SUPT16H: variants seen among roughly 807,000 people sequenced by gnomAD.
The protein encoded by SUPT16H is FACT complex subunit SPT16.
A neutral mutation model predicts 136.2 loss-of-function variants in SUPT16H; 24 were observed. The observed-to-expected ratio is 0.18, with a 90% CI of 0.13 to 0.25. The LOEUF is 0.25. Among genes scored for constraint, SUPT16H ranks in the 10% least tolerant of loss-of-function variants. The probability of loss-of-function intolerance (pLI) is 1.00; values close to 1 mark genes in which losing one functional copy is unlikely to be tolerated. For missense variants in SUPT16H, 623 were observed against 1,270.2 expected, an observed-to-expected ratio of 0.49 and a Z score of 7.74; for synonymous variants, 415 against 428.2, an observed-to-expected ratio of 0.97 and a Z score of 0.38.
intron 15 of SUPT16H, among the ~76,000 whole-genome samples, chr14:21,361,768 T>C (rs1202970677): frequency 6.6e-6 from 1 of 152,152 alleles, no homozygotes; most frequent in East Asian, 1.9e-4. Flanking sequence ...CTTATTTTCA[T>C]AATTATTTTT....
chr14:21,365,895 G>A (rs1886656254), intron 8 of SUPT16H, among the ~76,000 whole-genome samples: 2 of 152,062 alleles, frequency 1.3e-5, no homozygotes, highest in Non-Finnish European at 2.9e-5. Flanking sequence ...TTGAGCCCAC[G>A]AGGTCAAGAC....
chr14:21,364,872 C>A lies in SUPT16H; in HGVS notation c.1188G>T (p.Glu396Asp), dbSNP rs1329349317. 3 of 1,613,060 alleles carry A rather than the reference C, an allele frequency of 1.9e-6. No homozygotes were observed. The Admixed American group carries it at 5.0e-5, about 27-fold the overall frequency. ...LTNKEGKKPE[E>D]KTYALFIGDT... ...CACCAATGAACAGGGCATAGGTTTT[C>A]TCTTCTGGCTTTTTCCCCTCCTTGT... The change falls in exon 10 of 26, where the codon GAG (glutamate) becomes GAT (aspartate). Residue 396 changes from glutamate (E) to aspartate (D), a missense_variant. Transcript: ENST00000216297.
In SUPT16H at chr14:21,362,233, A is replaced by T. The variant is rs1886572188; in HGVS notation, c.1757T>A (p.Ile586Asn). The T allele has an allele frequency of 6.2e-7, 1 of 1,612,694 alleles. No individual in the cohort carries two copies. The highest frequency in any genetic ancestry group is 8.5e-7 in the Non-Finnish European group (1 of 1,179,976). Residue 586 changes from isoleucine (I) to asparagine (N), a missense_variant, in exon 15 of 26, where the codon ATC (isoleucine) becomes AAC (asparagine). Transcript: ENST00000216297. The part of the protein sequence containing the change: ...GSALGRNEGN[I>N]FPNPEATFVK... Reference sequence around the variant, plus strand: ...AAAAGTCGCTTCAGGGTTAGGAAAGATGTTGCCTTCATTCCTGCCCAGAGC... The same window carrying T: ...AAAAGTCGCTTCAGGGTTAGGAAAGTTGTTGCCTTCATTCCTGCCCAGAGC...
intron 4 of SUPT16H, 103 bp downstream of exon 4, chr14:21,370,233 A>G: frequency 7.9e-6 from 11 of 1,396,974 alleles, no homozygotes; most frequent in Non-Finnish European, 1.1e-5. Context: ...GTAAACAAAC[A>G]TACAGTTTTC....
At chr14:21,381,020 GA>G (rs1887011117) in intron 1 of SUPT16H, among the ~76,000 whole-genome samples, 1 of 151,864 alleles carries the variant, frequency 6.6e-6, no homozygotes, top group Non-Finnish European at 1.5e-5. Flanking sequence ...TAATAATACA[GA>G]GAAGGTGCTG....
chr14:21,381,898 G>C (rs1263056525), intron 1 of SUPT16H, among the ~76,000 whole-genome samples: 11 of 150,636 alleles, frequency 7.3e-5, no homozygotes, highest in Admixed American at 7.3e-4. Flanking sequence ...AGCCAGGTTT[G>C]GAATTTTTAC....
intron 22 of SUPT16H, among the ~76,000 whole-genome samples, chr14:21,355,702 CTCTT>C (rs1886418999): frequency 6.6e-6 from 1 of 151,886 alleles, no homozygotes; most frequent in South Asian, 2.1e-4. Flanking sequence ...AAATGACTTT[CTCTT>C]TCTCACTTCT....
chr14:21,374,011 A>G (rs1365756885), intron 1 of SUPT16H, among the ~76,000 whole-genome samples: 1 of 152,258 alleles, frequency 6.6e-6, no homozygotes, highest in Non-Finnish European at 1.5e-5. Context: ...TACAGGCATA[A>G]GCCACCATGC....
At chr14:21,353,027 A>G (rs1014119473) in intron 25 of SUPT16H, among the ~76,000 whole-genome samples, 15 of 152,206 alleles carry the variant, frequency 9.9e-5, no homozygotes, top group Admixed American at 9.8e-4. Context: ...CCTATTCCCA[A>G]TGCTTGGAAC....
chr14:21,360,342 T>C, intron 18 of SUPT16H, 73 bp downstream of exon 18: 1 of 1,228,224 alleles, frequency 8.1e-7, no homozygotes, highest in Non-Finnish European at 1.2e-6. Context: ...CATCACTATT[T>C]TATAGGAAAG....
chr14:21,360,243 G>A (rs1379839864), intron 18 of SUPT16H, among the ~76,000 whole-genome samples, 172 bp downstream of exon 18: 1 of 152,088 alleles, frequency 6.6e-6, no homozygotes, highest in Non-Finnish European at 1.5e-5. Flanking sequence ...GGTCAGGCTG[G>A]TGTCGAACTC....
intron 14 of SUPT16H, 50 bp downstream of exon 14, chr14:21,362,744 C>G: frequency 6.5e-7 from 1 of 1,543,296 alleles, no homozygotes; most frequent in Non-Finnish European, 8.7e-7. Context: ...AATACAATTA[C>G]TATTTTAAGC....
At chr14:21,375,000 G>A (rs1284418859) in intron 1 of SUPT16H, among the ~76,000 whole-genome samples, 1 of 152,036 alleles carries the variant, frequency 6.6e-6, no homozygotes, top group African/African-American at 2.4e-5. Context: ...TATAATGAGT[G>A]TAAATTAGTA....
chr14:21,356,414 A>G (rs1886435396), intron 22 of SUPT16H, among the ~76,000 whole-genome samples: 1 of 152,296 alleles, frequency 6.6e-6, no homozygotes, highest in East Asian at 1.9e-4. Flanking sequence ...CATCAGGCAG[A>G]CTCTGAAGAG....
chr14:21,365,699 GATAAAATACATTTGAGAAATGT>G (rs1261550250), intron 8 of SUPT16H, among the ~76,000 whole-genome samples: 6 of 152,064 alleles, frequency 3.9e-5, no homozygotes, highest in African/African-American at 1.2e-4. Flanking sequence ...GGTGTTCAGT[GATAAAATACATTTGAGAAATGT>G]ATAAAATACA....
chr14:21,363,430 C>A lies in SUPT16H; in HGVS notation c.1299+8G>T, dbSNP rs1886599439. The A allele has an allele frequency of 6.2e-7, 1 of 1,613,542 alleles. No homozygotes were observed. The highest frequency in any genetic ancestry group is 8.5e-7 in the Non-Finnish European group (1 of 1,179,672). On this transcript the variant is annotated splice_region_variant and intron_variant, in intron 11 of 25. Transcript: ENST00000216297. ...ACTTCCTATACTACTTATCTATCTT[C>A]TTCCTACCTTTAGGAAAATCCCCAC...
At position 21,383,183 on chromosome 14, in the gene SUPT16H, G is replaced by A. The variant is rs1594314667; in HGVS notation, c.66+679C>T. 3 of 161,406 alleles carry A rather than the reference G, an allele frequency of 1.9e-5. No individual in the cohort carries two copies. The Middle Eastern group carries it at 9.1e-3, about 489-fold the overall frequency. 10.0% of individuals were successfully genotyped at this position (161,406 alleles called of 1,614,324 possible). A position where few individuals can be genotyped will look rare whatever the true frequency, so the allele number is the denominator to read the frequency against. On this transcript the variant is annotated intron_variant, in intron 1 of 25. Transcript: ENST00000216297. ...CCGAATCTTTAAAAAACTGGGAACT[G>A]CCACAGCTCTTTTAATGAACACGTG... is the stretch of plus-strand genomic sequence containing the variant.
intron 1 of SUPT16H, among the ~76,000 whole-genome samples, chr14:21,382,618 TAGAA>T (rs1887053784): frequency 6.6e-6 from 1 of 152,208 alleles, no homozygotes; most frequent in South Asian, 2.1e-4. Flanking sequence ...TACTGATCAT[TAGAA>T]AGTATCAAGG....
chr14:21,362,447 T>C, intron 14 of SUPT16H, 123 bp from the exon 15 acceptor site: 1 of 919,956 alleles, frequency 1.1e-6, no homozygotes. Flanking sequence ...CTAAATCTAA[T>C]AAATTTACAT....
Sources: gnomAD v4.1 joint callset for allele counts (sites outside exome capture counted in the v4.1 genomes callset) on GRCh38, gnomAD v4.1.1 for gene constraint, MANE v1.5 for transcripts, NCBI Gene and HGNC (gene_info 2026-07-23, HGNC 2026-07-21) for gene names.